PRRC2B: variants seen among roughly 807,000 people sequenced by gnomAD.
PRRC2B encodes protein PRRC2B.
PRRC2B carries 68 observed loss-of-function variants against 242.3 expected under a neutral mutation model. The ratio of observed to expected loss-of-function variants is 0.28; its 90% CI spans 0.23 to 0.34. The LOEUF (loss-of-function observed/expected upper bound fraction) is 0.34. Ranked by LOEUF, PRRC2B falls within the 10% of genes least tolerant of loss-of-function variation. The pLI, the probability that PRRC2B is intolerant of heterozygous loss-of-function variation, is 1.00. For missense variants in PRRC2B, 2,835 were observed against 2,954.8 expected, an observed-to-expected ratio of 0.96 and a Z score of 0.94; for synonymous variants, 1,228 against 1,173.6, an observed-to-expected ratio of 1.05 and a Z score of -0.95.
chr9:131,474,628 C>T lies in PRRC2B; in HGVS notation c.2499C>T (p.Pro833=). 6.2e-7 allele frequency: 1 copy of T among 1,613,952 alleles called. No homozygotes were observed. The highest frequency in any genetic ancestry group is 8.5e-7 in the Non-Finnish European group (1 of 1,179,896). The part of the protein sequence containing the change: ...QRIGQELLFP[P]QENVQDAGAP... ...TAGGCCAGGAGCTTTTGTTTCCACC[C>T]CAAGAAAATGTTCAGGATGCAGGTG... Residue 833 remains proline, a synonymous_variant, in exon 16 of 32, where the codon CCC becomes CCT. Transcript: ENST00000683519.
At chr9:131,460,316 C>T (rs1309373108) in intron 11 of PRRC2B, among the ~76,000 whole-genome samples, 2 of 152,322 alleles carry the variant, frequency 1.3e-5, no homozygotes, top group East Asian at 3.9e-4. Context: ...AGTTCCTCAG[C>T]CTTTCCTTCA....
intron 1 of PRRC2B, among the ~76,000 whole-genome samples, chr9:131,412,160 A>T (rs977130918): frequency 6.6e-6 from 1 of 152,132 alleles, no homozygotes; most frequent in Non-Finnish European, 1.5e-5. Flanking sequence ...TTGCTCATCT[A>T]CGTTGACCGT....
At chr9:131,437,119 T>C (rs1320285946) in intron 4 of PRRC2B, among the ~76,000 whole-genome samples, 1 of 152,118 alleles carries the variant, frequency 6.6e-6, no homozygotes, top group Non-Finnish European at 1.5e-5. Context: ...AAAGGTTCAC[T>C]GGCCAGGTGA....
chr9:131,474,295 T>G (rs1943626414), intron 15 of PRRC2B, among the ~76,000 whole-genome samples, 159 bp from the exon 16 acceptor site: 1 of 152,224 alleles, frequency 6.6e-6, no homozygotes, highest in Non-Finnish European at 1.5e-5. Flanking sequence ...ATGTTTTTTT[T>G]TGGTTGTTGT....
intron 1 of PRRC2B, among the ~76,000 whole-genome samples, chr9:131,409,525 A>G (rs1416768880): frequency 6.6e-6 from 1 of 152,218 alleles, no homozygotes; most frequent in African/African-American, 2.4e-5. Flanking sequence ...AATGTGTATT[A>G]GTAACATGTA....
Position 131,482,710 on chromosome 9 carries a change from G to T in PRRC2B, c.5176G>T (p.Asp1726Tyr). 6.4e-7 allele frequency: 1 copy of T among 1,563,866 alleles called. No homozygotes were observed. The highest frequency in any genetic ancestry group is 1.4e-5 in the African/African-American group (1 of 72,918). ...EQAPKPSEQK[D>Y]SEQGSGQSKE... is the part of the protein sequence containing the mutation. ...TCCACCTCTCTGCTTTTTTATCAAG[G>T]ATTCAGAACAAGGCTCTGGACAGAG... The change falls in exon 22 of 32, where the codon GAT becomes TAT. Residue 1726 changes from aspartate to tyrosine, a missense_variant and splice_region_variant. Transcript: ENST00000683519. The surrounding 1 kb of genome is among the most constrained non-coding windows in gnomAD (Gnocchi z 5.2).
intron 3 of PRRC2B, among the ~76,000 whole-genome samples, chr9:131,434,263 A>C (rs1332076989): frequency 6.6e-6 from 1 of 152,224 alleles, no homozygotes; most frequent in Non-Finnish European, 1.5e-5. Context: ...TGGATATTGC[A>C]CATTTTAATG....
intron 13 of PRRC2B, among the ~76,000 whole-genome samples, chr9:131,468,410 C>T (rs1943453286): frequency 6.6e-6 from 1 of 152,292 alleles, no homozygotes; most frequent in Non-Finnish European, 1.5e-5. Flanking sequence ...CGCCTATAAA[C>T]TATTTTATTG....
In PRRC2B at chr9:131,394,090, CA is replaced by C. The variant is rs1479915510; in HGVS notation, c.-224del. On this transcript the variant is annotated 5_prime_UTR_variant, in exon 1 of 32. Transcript: ENST00000683519. ...GAGCGCGAGGGAGCGAGCGGCGAGA[CA>C]GGCGCCGAGGCTCCACCGCGCAGCG... 3.3e-5 allele frequency: 5 copies of C among 149,540 alleles called. No individual in the cohort carries two copies. The highest frequency in any genetic ancestry group is 1.2e-4 in the African/African-American group (5 of 40,990). 9.3% of individuals were successfully genotyped at this position (149,540 alleles called of 1,614,324 possible).
intron 1 of PRRC2B, among the ~76,000 whole-genome samples, chr9:131,395,054 C>T (rs1272090875): frequency 1.3e-5 from 2 of 151,418 alleles, no homozygotes; most frequent in Admixed American, 6.6e-5. Context: ...AGTGGATTTG[C>T]CTTAAGAGGT....
intron 1 of PRRC2B, among the ~76,000 whole-genome samples, chr9:131,399,086 GC>G (rs1309548699): frequency 1.3e-5 from 2 of 151,250 alleles, no homozygotes; most frequent in East Asian, 3.9e-4. Flanking sequence ...GACCAGCCTG[GC>G]CAACATGGTG....
At chr9:131,441,417 G>A (rs1030753566) in intron 5 of PRRC2B, among the ~76,000 whole-genome samples, 1 of 152,164 alleles carries the variant, frequency 6.6e-6, no homozygotes, top group Admixed American at 6.6e-5. Context: ...TAAACTGGAC[G>A]TGGTGGCACA....
At chr9:131,390,853 C>G (rs2131269756), upstream of PRRC2B, among the ~76,000 whole-genome samples, 1 of 136,862 alleles carries the variant, frequency 7.3e-6, no homozygotes, top group South Asian at 2.4e-4. Flanking sequence ...ATGGTGCAAT[C>G]TCGGCTCACT....
At chr9:131,419,869 C>T in intron 1 of PRRC2B, among the ~76,000 whole-genome samples, 1 of 151,656 alleles carries the variant, frequency 6.6e-6, no homozygotes, top group Non-Finnish European at 1.5e-5. Flanking sequence ...CTGGACTTGA[C>T]CCTGGCGCGG....
rs927892307 is a variant in PRRC2B, at chr9:131,467,579, T to A, written c.1737T>A (p.Pro579=). The stretch of plus-strand genomic sequence containing the variant: ...ATTCTCTAGGCTCCCCAGAATTCCC[T>A]GCCCAAGAGACCCCCACCACATTCC... ...PAVHKGSPEF[P]AQETPTTFPE... The change falls in exon 13 of 32, where the codon CCT becomes CCA. Residue 579 remains proline, a synonymous_variant. Transcript: ENST00000683519. The A allele has an allele frequency of 3.1e-6, 5 of 1,608,374 alleles. No individual in the cohort carries two copies. The Middle Eastern group carries it at 5.2e-4, about 169-fold the overall frequency.
At chr9:131,389,723 C>T (rs1836873054), upstream of PRRC2B, among the ~76,000 whole-genome samples, 1 of 149,722 alleles carries the variant, frequency 6.7e-6, no homozygotes, top group South Asian at 2.1e-4. Context: ...GTTGTCCAGG[C>T]ATCCACTTTT....
Position 131,459,256 on chromosome 9 carries a change from G to T in PRRC2B, c.1304G>T (p.Trp435Leu). 1 of 1,613,932 alleles carries T rather than the reference G, an allele frequency of 6.2e-7. No individual in the cohort carries two copies. Among genetic ancestry groups the T allele is most frequent in the Non-Finnish European group, 8.5e-7 (1 of 1,179,830 alleles). Residue 435 changes from tryptophan (W) to leucine (L), a missense_variant, in exon 11 of 32, where the codon TGG (tryptophan) becomes TTG (leucine). By Grantham distance (61) the Trp-to-Leu change is moderately conservative. Around this residue, in one of 7 missense-constraint regions of PRRC2B, gnomAD observed 626 missense variants for 685.5 expected, o/e 0.91. Coordinates refer to ENST00000683519, the MANE Select transcript of PRRC2B (RefSeq NM_013318.4). ...AKRTREEGKD[W>L]AEAVGASRVV... ...CGGACTCGAGAGGAAGGGAAGGACTGGGCTGAAGCAGTGGGTGCGTCCCGT... is the reference window on the plus strand; with the variant it reads ...CGGACTCGAGAGGAAGGGAAGGACTTGGCTGAAGCAGTGGGTGCGTCCCGT...
chr9:131,416,927 A>G (rs1837673402), intron 1 of PRRC2B, among the ~76,000 whole-genome samples: 1 of 152,130 alleles, frequency 6.6e-6, no homozygotes, highest in African/African-American at 2.4e-5. Context: ...TTATGAGGAT[A>G]TTAATTTTAT....
chr9:131,487,334 G>A lies in PRRC2B; in HGVS notation c.5984+40G>A. ...CAGCTTGCGGAGCTGGCAGCTCACAGCCAGGGCCTTGGCCCTGTGTGCAGC... is the reference window on the plus strand; with the variant it reads ...CAGCTTGCGGAGCTGGCAGCTCACAACCAGGGCCTTGGCCCTGTGTGCAGC... On this transcript the variant is annotated intron_variant, in intron 27 of 31. Coordinates refer to ENST00000683519, the MANE Select transcript of PRRC2B (RefSeq NM_013318.4). This position sits in a 1 kb window ranked among gnomAD's most constrained non-coding sequence, Gnocchi z 5.3. 6.5e-7 allele frequency: 1 copy of A among 1,542,364 alleles called. No individual in the cohort carries two copies. Among genetic ancestry groups the A allele is most frequent in the Non-Finnish European group, 8.8e-7 (1 of 1,140,310 alleles).
Sources: allele counts gnomAD v4.1 joint callset (sites outside exome capture counted in the v4.1 genomes callset), GRCh38; gene constraint gnomAD v4.1.1; regional missense constraint gnomAD v4.1.1; non-coding constraint Gnocchi (gnomAD v3.1); transcripts MANE v1.5; gene names NCBI Gene and HGNC (gene_info 2026-07-23, HGNC 2026-07-21).